The following AKAP13 variants were observed in gnomAD, a reference collection of about 807,000 sequenced individuals.
The protein encoded by AKAP13 is A-kinase anchor protein 13.
Under a neutral mutation model 264.5 loss-of-function variants are expected in AKAP13, and 80 were observed. The ratio of observed to expected loss-of-function variants is 0.30; its 90% CI spans 0.25 to 0.36. The LOEUF is 0.36. AKAP13 is among the 10% of genes least tolerant of loss of function. The pLI is 1.00. For synonymous variants in AKAP13, 1,380 were observed against 1,250.2 expected (o/e 1.10, Z -2.19); for missense variants, 3,712 against 3,435.2 (o/e 1.08, Z -2.01).
chr15:85,418,139 G>A (rs2072331750), intron 1 of AKAP13, among the ~76,000 whole-genome samples: 2 of 151,064 alleles, frequency 1.3e-5, no homozygotes, highest in Non-Finnish European at 2.9e-5. Flanking sequence ...GCAGTGGCAG[G>A]ATCATAGGTC....
intron 36 of AKAP13, chr15:85,744,070 T>A (rs1229522193): frequency 2.0e-6 from 1 of 511,484 alleles, no homozygotes; most frequent in Non-Finnish European, 3.4e-6. Flanking sequence ...CATTATCCGA[T>A]CGAGGAACTG....
intron 2 of AKAP13, among the ~76,000 whole-genome samples, chr15:85,497,103 A>C (rs1343438192): frequency 6.6e-6 from 1 of 152,228 alleles, no homozygotes; most frequent in Non-Finnish European, 1.5e-5. Context: ...CTATCACATA[A>C]CAGTGAGGGG....
intron 1 of AKAP13, among the ~76,000 whole-genome samples, chr15:85,396,021 T>TAC (rs57665297): frequency 0.24 from 35,795 of 150,436 alleles, 4,302 homozygotes; most frequent in South Asian, 0.3. Flanking sequence ...TATACATACA[T>TAC]ACACACACAC....
chr15:85,681,334 T>C (rs1441235594), intron 14 of AKAP13, among the ~76,000 whole-genome samples: 1 of 152,228 alleles, frequency 6.6e-6, no homozygotes, highest in Non-Finnish European at 1.5e-5. Flanking sequence ...AAATCATTTA[T>C]CACTGTGACT....
intron 30 of AKAP13, 22 bp downstream of exon 30, chr15:85,730,729 C>T (rs745479728): frequency 1.9e-6 from 3 of 1,593,002 alleles, no homozygotes; most frequent in African/African-American, 2.7e-5. Flanking sequence ...TCAGCATTGC[C>T]CCCTCTTCAT....
At chr15:85,545,692 A>G (rs1042916793) in intron 5 of AKAP13, among the ~76,000 whole-genome samples, 1 of 152,186 alleles carries the variant, frequency 6.6e-6, no homozygotes, top group African/African-American at 2.4e-5. Flanking sequence ...ATAATTAGCG[A>G]TTAAAAAATG....
chr15:85,405,636 A>C (rs1434816868), intron 1 of AKAP13, among the ~76,000 whole-genome samples: 2 of 152,202 alleles, frequency 1.3e-5, no homozygotes, highest in Non-Finnish European at 2.9e-5. Context: ...AGAAGCTAGG[A>C]TACTTATTGA....
chr15:85,443,254 A>T (rs115399670), intron 1 of AKAP13, among the ~76,000 whole-genome samples: 2,039 of 151,614 alleles, frequency 0.013, 56 homozygotes, highest in African/African-American at 0.047. Context: ...TCCTTTCTGT[A>T]TTGTGCTTTC....
chr15:85,398,016 C>A (rs1264971508), intron 1 of AKAP13, among the ~76,000 whole-genome samples: 1 of 152,086 alleles, frequency 6.6e-6, no homozygotes, highest in African/African-American at 2.4e-5. Context: ...AGACAGAGGC[C>A]CAGAGAGGCT....
intron 8 of AKAP13, chr15:85,620,304 G>A: frequency 1.2e-6 from 1 of 813,324 alleles, no homozygotes; most frequent in Non-Finnish European, 1.9e-6. Context: ...GGAGGATGAG[G>A]GGTGAATGTA....
At chr15:85,431,435 T>C (rs1300675501) in intron 1 of AKAP13, among the ~76,000 whole-genome samples, 1 of 152,222 alleles carries the variant, frequency 6.6e-6, no homozygotes, top group Non-Finnish European at 1.5e-5. Context: ...GTACATTCTT[T>C]AAAGAGATTT....
intron 17 of AKAP13, among the ~76,000 whole-genome samples, chr15:85,695,110 A>G (rs1409065283): frequency 6.6e-6 from 1 of 152,146 alleles, no homozygotes; most frequent in Non-Finnish European, 1.5e-5. Flanking sequence ...TGAAATGTTT[A>G]AAAGTGTATT....
chr15:85,404,814 T>C (rs933463797), intron 1 of AKAP13, among the ~76,000 whole-genome samples: 1 of 152,230 alleles, frequency 6.6e-6, no homozygotes, highest in Admixed American at 6.5e-5. Flanking sequence ...ATTGTGGCTG[T>C]GTTGAAAAGC....
chr15:85,741,191 C>G lies in AKAP13; in HGVS notation c.7754C>G (p.Ala2585Gly), dbSNP rs1055229830. 2 of 1,610,880 alleles carry G rather than the reference C, an allele frequency of 1.2e-6. No individual in the cohort carries two copies. Among genetic ancestry groups the G allele is most frequent in the Non-Finnish European group, 8.5e-7 (1 of 1,178,626 alleles). The change falls in exon 35 of 37, where the codon GCC (alanine) becomes GGC (glycine). Residue 2585 changes from alanine (A) to glycine (G), a missense_variant. Coordinates refer to ENST00000394518, the MANE Select transcript of AKAP13 (RefSeq NM_007200.5). ...RSLEKQRQDL[A>G]NLQKQQAQYL... ...CTGGAGAAGCAGCGCCAGGACCTGGCCAACCTGCAGAAGCAGCAGGCCCAG... is the reference window on the plus strand; with the variant it reads ...CTGGAGAAGCAGCGCCAGGACCTGGGCAACCTGCAGAAGCAGCAGGCCCAG...
intron 1 of AKAP13, among the ~76,000 whole-genome samples, chr15:85,475,873 G>A (rs1242185315): frequency 6.6e-6 from 1 of 152,188 alleles, no homozygotes; most frequent in Non-Finnish European, 1.5e-5. Flanking sequence ...ATGTCAAACA[G>A]TTATTTCTCT....
intron 7 of AKAP13, among the ~76,000 whole-genome samples, chr15:85,583,598 ATGCCT>A (rs1381401542): frequency 6.6e-6 from 1 of 152,190 alleles, no homozygotes; most frequent in Non-Finnish European, 1.5e-5. Flanking sequence ...CTGTAAGCTG[ATGCCT>A]GGTGATGTTC....
chr15:85,479,097 T>C (rs1206922553), intron 1 of AKAP13, among the ~76,000 whole-genome samples: 1 of 152,178 alleles, frequency 6.6e-6, no homozygotes, highest in Non-Finnish European at 1.5e-5. Flanking sequence ...TCAGGAAATA[T>C]ATTTGGCCCA....
At chr15:85,738,239 A>T (rs887778852) in intron 33 of AKAP13, among the ~76,000 whole-genome samples, 3 of 151,824 alleles carry the variant, frequency 2.0e-5, no homozygotes, top group African/African-American at 7.3e-5. Flanking sequence ...CTCTACTAAA[A>T]ATATTAGCCA....
chr15:85,430,987 T>C (rs1567052770), intron 1 of AKAP13, among the ~76,000 whole-genome samples: 1 of 152,238 alleles, frequency 6.6e-6, no homozygotes, highest in Non-Finnish European at 1.5e-5. Flanking sequence ...ATCATCACTT[T>C]TCTCTTTTCC....
Sources: allele counts gnomAD v4.1 joint callset (sites outside exome capture counted in the v4.1 genomes callset), GRCh38; gene constraint gnomAD v4.1.1; transcripts MANE v1.5; gene names NCBI Gene and HGNC (gene_info 2026-07-23, HGNC 2026-07-21).